Variants in MUCL1 observed in about 807,000 individuals in gnomAD.
MUCL1 encodes the protein mucin-like protein 1.
A neutral mutation model predicts 9.2 loss-of-function variants in MUCL1; 11 were observed. The observed-to-expected ratio is 1.19, with a 90% CI of 0.75 to 1.97. The LOEUF is 1.97. Ranked by LOEUF, MUCL1 falls within the 30% of genes most tolerant of loss-of-function variation. MUCL1 has a pLI of 0.00. For missense variants in MUCL1, 144 were observed against 110.9 expected, an observed-to-expected ratio of 1.30 and a Z score of -1.34; for synonymous variants, 48 against 40.5, an observed-to-expected ratio of 1.19 and a Z score of -0.71.
chr12:54,855,497 T>C (rs1315987921), intron 2 of MUCL1: 2 of 276,836 alleles, frequency 7.2e-6, no homozygotes, highest in East Asian at 1.5e-4. Flanking sequence ...GGACTGAATA[T>C]ATAGCCAGTG....
intron 1 of MUCL1, among the ~76,000 whole-genome samples, chr12:54,840,439 C>T (rs1319923713): frequency 6.6e-6 from 1 of 152,214 alleles, no homozygotes; most frequent in Non-Finnish European, 1.5e-5. Flanking sequence ...CTGTAATGGA[C>T]TGTGTCAGTT....
At chr12:54,843,004 A>G (rs912002015) in intron 1 of MUCL1, among the ~76,000 whole-genome samples, 17 of 152,224 alleles carry the variant, frequency 1.1e-4, no homozygotes, top group African/African-American at 4.1e-4. Context: ...TACAGTATTC[A>G]GTGTAGAAAC....
intron 1 of MUCL1, among the ~76,000 whole-genome samples, chr12:54,842,557 T>C (rs938204964): frequency 2.0e-5 from 3 of 152,156 alleles, no homozygotes; most frequent in Non-Finnish European, 2.9e-5. Context: ...TTCATCCATG[T>C]TGCCATAAAT....
At chr12:54,832,690 G>C (rs576430945) in intron 1 of MUCL1, among the ~76,000 whole-genome samples, 2 of 151,936 alleles carry the variant, frequency 1.3e-5, no homozygotes. Flanking sequence ...CATCACAGAC[G>C]GCCCCTGGAA....
upstream of MUCL1, among the ~76,000 whole-genome samples, chr12:54,850,405 C>T (rs188675031): frequency 2.3e-4 from 35 of 150,574 alleles, no homozygotes; most frequent in East Asian, 6.1e-3. Flanking sequence ...TGAGAACACA[C>T]GGTGTTTGGT....
chr12:54,848,991 C>G (rs548886205), intron 1 of MUCL1, among the ~76,000 whole-genome samples: 169 of 152,092 alleles, frequency 1.1e-3, no homozygotes, highest in African/African-American at 4.0e-3. Flanking sequence ...CAAAAGAATA[C>G]AAATGACCTG....
intron 1 of MUCL1, among the ~76,000 whole-genome samples, chr12:54,842,209 G>C (rs1183453007): frequency 6.6e-6 from 1 of 151,720 alleles, no homozygotes; most frequent in Non-Finnish European, 1.5e-5. Context: ...TTGAACATCT[G>C]TATTTATTAC....
chr12:54,843,688 G>A (rs952149026), intron 1 of MUCL1, among the ~76,000 whole-genome samples: 1 of 152,152 alleles, frequency 6.6e-6, no homozygotes, highest in African/African-American at 2.4e-5. Flanking sequence ...TCTGAGCTTA[G>A]AAAGGGCCCA....
At chr12:54,834,360 T>C (rs1022339768) in intron 1 of MUCL1, among the ~76,000 whole-genome samples, 4 of 152,110 alleles carry the variant, frequency 2.6e-5, no homozygotes, top group Admixed American at 2.6e-4. Context: ...TAAAATTCAA[T>C]CAGTCACTGT....
chr12:54,851,233 C>T (rs557383842), upstream of MUCL1, among the ~76,000 whole-genome samples: 1 of 152,132 alleles, frequency 6.6e-6, no homozygotes, highest in South Asian at 2.1e-4. Flanking sequence ...AAGTCCTTGC[C>T]CATGCCTATG....
chr12:54,845,676 CA>C (rs1959244179), intron 1 of MUCL1, among the ~76,000 whole-genome samples: 1 of 152,144 alleles, frequency 6.6e-6, no homozygotes, highest in Non-Finnish European at 1.5e-5. Flanking sequence ...CCACTGCACC[CA>C]AAAACAACTC....
Position 54,841,389 on chromosome 12 carries a change from AT to A in MUCL1, c.43+1950del, listed in dbSNP as rs143702069. On this transcript the variant is annotated intron_variant, in intron 1 of 3. Coordinates refer to the MUCL1 transcript ENST00000546809. ...TGTATTGCTGGGTCATATGGTAGTT[AT>A]TTTTTTTAAGTTTTTGAGAAACCTC... Among the ~76,000 whole-genome samples, 113 of 152,048 alleles carry A rather than the reference AT, an allele frequency of 7.4e-4. 1 individual carries two copies. The highest frequency in any genetic ancestry group is 2.6e-3 in the African/African-American group (107 of 41,482).
Position 54,856,809 on chromosome 12 carries a change from C to A in MUCL1, c.140C>A (p.Thr47Asn). 1 of 1,612,466 alleles carries A rather than the reference C, an allele frequency of 6.2e-7. No individual in the cohort carries two copies. The highest frequency in any genetic ancestry group is 8.5e-7 in the Non-Finnish European group (1 of 1,178,962). Residue 47 changes from threonine (T) to asparagine (N), a missense_variant, in exon 3 of 4, where the codon ACT becomes AAT. Coordinates refer to ENST00000308796, the MANE Select transcript of MUCL1 (RefSeq NM_058173.3). The part of the protein sequence containing the change: ...ADDEAPDAET[T>N]AAATTATTAA... The stretch of plus-strand genomic sequence containing the variant: ...GATGAAGCCCCTGATGCTGAAACCA[C>A]TGCTGCTGCAACCACTGCAACCACT...
upstream of MUCL1, among the ~76,000 whole-genome samples, chr12:54,852,069 T>G (rs551213931): frequency 5.6e-4 from 85 of 152,238 alleles, no homozygotes; most frequent in African/African-American, 2.0e-3. Flanking sequence ...ATTGTGAAAA[T>G]GGCCATACTG....
chr12:54,855,066 T>C, intron 1 of MUCL1, 50 bp from the exon 2 acceptor site: 1 of 1,543,414 alleles, frequency 6.5e-7, no homozygotes, highest in Non-Finnish European at 8.9e-7. Flanking sequence ...ACCTCCATCC[T>C]CCAAACTGGT....
intron 1 of MUCL1, among the ~76,000 whole-genome samples, chr12:54,840,883 A>C (rs1274387738): frequency 6.6e-6 from 1 of 152,224 alleles, no homozygotes; most frequent in East Asian, 1.9e-4. Flanking sequence ...CACTAGTAGC[A>C]GCTAGCAAGC....
upstream of MUCL1, among the ~76,000 whole-genome samples, chr12:54,851,902 C>T (rs1451811380): frequency 6.6e-6 from 1 of 152,136 alleles, no homozygotes; most frequent in Non-Finnish European, 1.5e-5. Flanking sequence ...AACTCCCATT[C>T]CCAATTGCTT....
upstream of MUCL1, among the ~76,000 whole-genome samples, chr12:54,853,663 C>T (rs1457964116): frequency 6.6e-6 from 1 of 152,046 alleles, no homozygotes; most frequent in Non-Finnish European, 1.5e-5. Context: ...TCTTTCCTGC[C>T]TTCTTTTTTT....
At chr12:54,840,214 C>T (rs573322491) in intron 1 of MUCL1, among the ~76,000 whole-genome samples, 6 of 152,264 alleles carry the variant, frequency 3.9e-5, no homozygotes, top group African/African-American at 7.2e-5. Flanking sequence ...GTTCTGATGG[C>T]GATGGCACAA....
Sources: gnomAD v4.1 joint callset for allele counts (sites outside exome capture counted in the v4.1 genomes callset) on GRCh38, gnomAD v4.1.1 for gene constraint, MANE v1.5 for transcripts, NCBI Gene and HGNC (gene_info 2026-07-23, HGNC 2026-07-21) for gene names.